Variants in DLG2 observed in about 807,000 individuals in gnomAD.
The protein encoded by DLG2 is discs large MAGUK scaffold protein 2.
Under a neutral mutation model 132.5 loss-of-function variants are expected in DLG2, and 45 were observed. The observed-to-expected ratio is 0.34, with a 90% CI of 0.27 to 0.44. The LOEUF is 0.44. DLG2 is among the 20% of genes least tolerant of loss of function. DLG2 has a pLI of 1.00. For missense variants in DLG2, 1,045 were observed against 1,196.9 expected (o/e 0.87, Z 1.87); for synonymous variants, 424 against 419.6 (o/e 1.01, Z -0.13).
chr11:83,741,813 C>T (rs1226229899), intron 18 of DLG2, among the ~76,000 whole-genome samples: 2 of 151,902 alleles, frequency 1.3e-5, no homozygotes, highest in Admixed American at 6.6e-5. Flanking sequence ...AAGAGACCAT[C>T]CTGGTTAACT....
chr11:84,871,953 G>A (rs2085537538), intron 6 of DLG2, among the ~76,000 whole-genome samples: 2 of 152,182 alleles, frequency 1.3e-5, no homozygotes, highest in Admixed American at 6.5e-5. Flanking sequence ...GGGATTTCAA[G>A]CGTGAGCCAC....
chr11:84,919,315 T>C (rs1316806825), intron 6 of DLG2, among the ~76,000 whole-genome samples: 1 of 152,154 alleles, frequency 6.6e-6, no homozygotes, highest in African/African-American at 2.4e-5. Context: ...AACTAAACTT[T>C]CTTAAGCTAT....
intron 6 of DLG2, among the ~76,000 whole-genome samples, chr11:85,086,253 T>A (rs1457331620): frequency 6.6e-6 from 1 of 152,136 alleles, no homozygotes; most frequent in South Asian, 2.1e-4. Context: ...TTAGTATAAT[T>A]GAGTCAAAGT....
chr11:84,971,752 T>C (rs143614963), intron 6 of DLG2, among the ~76,000 whole-genome samples: 82 of 152,216 alleles, frequency 5.4e-4, no homozygotes, highest in African/African-American at 1.9e-3. Flanking sequence ...AACTTCAAAA[T>C]CAGCCCAATA....
At chr11:83,927,860 T>G (rs1181881093) in intron 15 of DLG2, among the ~76,000 whole-genome samples, 1 of 151,940 alleles carries the variant, frequency 6.6e-6, no homozygotes, top group Non-Finnish European at 1.5e-5. Flanking sequence ...ATTTTGGAGG[T>G]AGAATCAACA....
chr11:84,914,572 T>C (rs1178869936), intron 6 of DLG2, among the ~76,000 whole-genome samples: 1 of 152,216 alleles, frequency 6.6e-6, no homozygotes, highest in Non-Finnish European at 1.5e-5. Flanking sequence ...AGAATTCTTC[T>C]GGTCCCTGGC....
At chr11:85,286,438 T>G (rs2152762239) in intron 3 of DLG2, among the ~76,000 whole-genome samples, 1 of 152,200 alleles carries the variant, frequency 6.6e-6, no homozygotes, top group East Asian at 1.9e-4. Context: ...TATACACACA[T>G]ATATTTCCTT....
intron 17 of DLG2, among the ~76,000 whole-genome samples, chr11:83,832,124 A>G (rs2054708351): frequency 6.6e-6 from 1 of 152,212 alleles, no homozygotes; most frequent in Non-Finnish European, 1.5e-5. Context: ...AGTGATTGTG[A>G]GAAGAATAAA....
chr11:84,736,486 A>G (rs1381122056), intron 6 of DLG2, among the ~76,000 whole-genome samples: 1 of 151,976 alleles, frequency 6.6e-6, no homozygotes, highest in Non-Finnish European at 1.5e-5. Flanking sequence ...GAGAATGAAC[A>G]TCTTAATGAT....
At chr11:83,839,474 GC>G (rs1183846792) in intron 16 of DLG2, among the ~76,000 whole-genome samples, 2 of 152,060 alleles carry the variant, frequency 1.3e-5, no homozygotes, top group Non-Finnish European at 2.9e-5. Flanking sequence ...GAGGATCAAA[GC>G]CCTTTAAAGT....
intron 3 of DLG2, among the ~76,000 whole-genome samples, chr11:85,554,584 A>G (rs549863338): frequency 6.6e-6 from 1 of 151,910 alleles, no homozygotes; most frequent in Non-Finnish European, 1.5e-5. Flanking sequence ...AGGAAGGAAG[A>G]CAACAGTCCC....
intron 8 of DLG2, among the ~76,000 whole-genome samples, chr11:84,202,066 C>T (rs1011006508): frequency 2.0e-5 from 3 of 151,894 alleles, no homozygotes; most frequent in African/African-American, 7.3e-5. Flanking sequence ...ATCCTCCTGC[C>T]TTGGCCTCCC....
At chr11:85,473,507 T>G (rs895528857) in intron 3 of DLG2, among the ~76,000 whole-genome samples, 2 of 152,094 alleles carry the variant, frequency 1.3e-5, no homozygotes, top group Non-Finnish European at 2.9e-5. Flanking sequence ...AGAAAAACAT[T>G]GAACATGAAG....
intron 3 of DLG2, among the ~76,000 whole-genome samples, chr11:85,500,387 G>C (rs1181745764): frequency 8.6e-6 from 1 of 116,606 alleles, no homozygotes; most frequent in Non-Finnish European, 1.6e-5. Context: ...TCTGGGGACT[G>C]TGGTGGGGTC....
intron 10 of DLG2, among the ~76,000 whole-genome samples, chr11:84,071,079 T>G (rs1357592928): frequency 6.6e-6 from 1 of 152,174 alleles, no homozygotes; most frequent in African/African-American, 2.4e-5. Flanking sequence ...CATTTTTAGT[T>G]AATTAATTAC....
chr11:85,144,349 C>CTT (rs35874789), intron 5 of DLG2, among the ~76,000 whole-genome samples: 111 of 138,078 alleles, frequency 8.0e-4, no homozygotes, highest in African/African-American at 2.8e-3. Flanking sequence ...ATAATTGGGT[C>CTT]TTTTTTTTTT....
intron 19 of DLG2, among the ~76,000 whole-genome samples, chr11:83,601,155 A>G (rs1368334389): frequency 1.3e-5 from 2 of 152,236 alleles, no homozygotes; most frequent in African/African-American, 2.4e-5. Flanking sequence ...AAATGAATGC[A>G]AAGTCCTATG....
At chr11:84,555,827 T>C (rs1467350275) in intron 6 of DLG2, among the ~76,000 whole-genome samples, 2 of 152,192 alleles carry the variant, frequency 1.3e-5, no homozygotes, top group Non-Finnish European at 1.5e-5. Flanking sequence ...TTTACTACAA[T>C]TTTTTAAAAG....
chr11:85,325,059 C>A (rs2081357347), intron 3 of DLG2, among the ~76,000 whole-genome samples: 1 of 138,836 alleles, frequency 7.2e-6, no homozygotes, highest in East Asian at 2.1e-4. Flanking sequence ...TTGCGCTTTT[C>A]AGACCGGCTT....
Sources: gnomAD v4.1 joint callset for allele counts (sites outside exome capture counted in the v4.1 genomes callset) on GRCh38, gnomAD v4.1.1 for gene constraint, MANE v1.5 for transcripts, NCBI Gene and HGNC (gene_info 2026-07-23, HGNC 2026-07-21) for gene names.